The following RANBP2 variants were observed in gnomAD, a reference collection of about 807,000 sequenced individuals.
The protein encoded by RANBP2 is E3 SUMO-protein ligase RanBP2.
A neutral mutation model predicts 303.6 loss-of-function variants in RANBP2; 57 were observed. That is an observed-to-expected ratio of 0.19 (90% confidence interval 0.15 to 0.23). The LOEUF is 0.23. Ranked by LOEUF, RANBP2 falls within the 10% of genes least tolerant of loss-of-function variation. The pLI, the probability that RANBP2 is intolerant of heterozygous loss-of-function variation, is 1.00. For missense variants in RANBP2, 3,138 were observed against 3,780.8 expected (o/e 0.83, Z 4.46); for synonymous variants, 1,167 against 1,301.5 (o/e 0.90, Z 2.23).
At chr2:109,427,420 TG>T in the RANBP2 span, among the ~76,000 whole-genome samples, 2 of 152,210 alleles carry the variant, frequency 1.3e-5, no homozygotes, top group Non-Finnish European at 2.9e-5. Context: ...TTTGCTCTAT[TG>T]GGGCAGTCTG....
chr2:108,930,367 C>A, the RANBP2 span: 3 of 1,037,876 alleles, frequency 2.9e-6, no homozygotes, highest in Non-Finnish European at 4.4e-6. Context: ...GGGGCTCGGT[C>A]TGGGAAGGTG....
At chr2:109,229,793 T>C in the RANBP2 span, among the ~76,000 whole-genome samples, 1 of 151,814 alleles carries the variant, frequency 6.6e-6, no homozygotes, top group Admixed American at 6.6e-5. Flanking sequence ...TGTTTTGGTA[T>C]GTGTTTAGAT....
At chr2:109,765,344 T>C in the RANBP2 span, among the ~76,000 whole-genome samples, 1 of 149,946 alleles carries the variant, frequency 6.7e-6, no homozygotes, top group Admixed American at 6.8e-5. Context: ...TATTACTATG[T>C]GTGATACACT....
At chr2:109,089,477 A>C in the RANBP2 span, among the ~76,000 whole-genome samples, 1 of 152,042 alleles carries the variant, frequency 6.6e-6, no homozygotes, top group African/African-American at 2.4e-5. Context: ...ATGTTGGTAC[A>C]CAACTGTGGT....
the RANBP2 span, among the ~76,000 whole-genome samples, chr2:109,195,489 G>T: frequency 6.6e-6 from 1 of 152,194 alleles, no homozygotes; most frequent in Non-Finnish European, 1.5e-5. Context: ...CACATAAAGA[G>T]CTGTAGGCTT....
At chr2:108,779,714 A>G (rs1273285472) in intron 25 of RANBP2, among the ~76,000 whole-genome samples, 3 of 152,146 alleles carry the variant, frequency 2.0e-5, no homozygotes, top group Non-Finnish European at 4.4e-5. Flanking sequence ...TATGGGATGG[A>G]GAAGTTTCTA....
intron 9 of RANBP2, among the ~76,000 whole-genome samples, chr2:108,750,317 AAGT>A (rs1675774357): frequency 1.3e-5 from 2 of 152,200 alleles, no homozygotes; most frequent in Admixed American, 1.3e-4. Flanking sequence ...CTTTTTTATG[AAGT>A]AGTCATAATT....
At chr2:109,329,482 G>A in the RANBP2 span, among the ~76,000 whole-genome samples, 2 of 152,218 alleles carry the variant, frequency 1.3e-5, no homozygotes, top group Non-Finnish European at 2.9e-5. Context: ...CTGGAGCGGT[G>A]TCTTTCCCTC....
At chr2:108,742,145 C>G (rs902293586) in intron 7 of RANBP2, among the ~76,000 whole-genome samples, 1 of 151,374 alleles carries the variant, frequency 6.6e-6, no homozygotes, top group South Asian at 2.1e-4. Context: ...TACAGGCATG[C>G]GCCACCACGC....
At chr2:109,765,128 T>C in the RANBP2 span, among the ~76,000 whole-genome samples, 1 of 131,194 alleles carries the variant, frequency 7.6e-6, no homozygotes. Context: ...GAAGTTATAA[T>C]ACATGGATCA....
chr2:109,325,799 TATTACTGCAGGGCA>T, the RANBP2 span, among the ~76,000 whole-genome samples: 5 of 152,182 alleles, frequency 3.3e-5, no homozygotes. Flanking sequence ...GCACCCTCCT[TATTACTGCAGGGCA>T]AAGATGCTGG....
chr2:109,458,572 C>CAGAG, the RANBP2 span, among the ~76,000 whole-genome samples: 1,497 of 123,044 alleles, frequency 0.012, 73 homozygotes, highest in African/African-American at 0.026. Context: ...CAGCAGGAGA[C>CAGAG]AGAGAGAGAG....
chr2:109,398,459 T>C, the RANBP2 span: 33 of 851,434 alleles, frequency 3.9e-5, 1 homozygote, highest in Middle Eastern at 4.8e-4. Flanking sequence ...CTTCTGTGTT[T>C]TCCCTGCAGT....
chr2:109,697,323 CT>C, the RANBP2 span, among the ~76,000 whole-genome samples: 1 of 152,202 alleles, frequency 6.6e-6, no homozygotes, highest in East Asian at 1.9e-4. Flanking sequence ...AACCCTGTCT[CT>C]ACTAAAAATA....
At chr2:108,920,214 C>T in the RANBP2 span, among the ~76,000 whole-genome samples, 1 of 152,268 alleles carries the variant, frequency 6.6e-6, no homozygotes, top group Non-Finnish European at 1.5e-5. Context: ...GCGCCTGGCA[C>T]TGGAGTAAGC....
intron 23 of RANBP2, among the ~76,000 whole-genome samples, chr2:108,774,037 G>A (rs1387965214): frequency 2.0e-5 from 3 of 152,264 alleles, no homozygotes; most frequent in Non-Finnish European, 4.4e-5. Flanking sequence ...AATCTACATT[G>A]ACACATCATC....
At chr2:109,680,358 G>A in the RANBP2 span, among the ~76,000 whole-genome samples, 17 of 150,200 alleles carry the variant, frequency 1.1e-4, 1 homozygote, top group East Asian at 2.9e-3. Context: ...GCAACAGAGC[G>A]AGACTCTGTC....
the RANBP2 span, among the ~76,000 whole-genome samples, chr2:109,246,262 T>A: frequency 6.6e-6 from 1 of 152,170 alleles, no homozygotes; most frequent in Non-Finnish European, 1.5e-5. Flanking sequence ...TAGACGCTGG[T>A]CGTCCAAGAT....
chr2:109,666,304 C>T, the RANBP2 span, among the ~76,000 whole-genome samples: 19 of 152,070 alleles, frequency 1.2e-4, no homozygotes, highest in African/African-American at 4.1e-4. Context: ...CGTGTGGTGC[C>T]ACTTTTTTTG....
Sources: gnomAD v4.1 joint callset for allele counts (sites outside exome capture counted in the v4.1 genomes callset) on GRCh38, gnomAD v4.1.1 for gene constraint, MANE v1.5 for transcripts, NCBI Gene and HGNC (gene_info 2026-07-23, HGNC 2026-07-21) for gene names.